TOX2: variants seen among roughly 807,000 people sequenced by gnomAD.
The protein encoded by TOX2 is granulosa cell HMG box 1.
Under a neutral mutation model 47.4 loss-of-function variants are expected in TOX2, and 15 were observed. The observed-to-expected ratio is 0.32, with a 90% CI of 0.21 to 0.49. TOX2 has a LOEUF of 0.49. TOX2 is among the 20% of genes least tolerant of loss of function. The pLI, the probability that TOX2 is intolerant of heterozygous loss-of-function variation, is 0.99. For missense variants in TOX2, 622 were observed against 673.1 expected (o/e 0.92, Z 0.84); for synonymous variants, 290 against 296.6 (o/e 0.98, Z 0.23).
chr20:44,061,515 T>C (rs1487953016), intron 5 of TOX2, among the ~76,000 whole-genome samples: 1 of 148,074 alleles, frequency 6.8e-6, no homozygotes, highest in Non-Finnish European at 1.5e-5. Flanking sequence ...AACATTATAG[T>C]GAATGGGGAA....
chr20:43,965,813 T>C (rs2069841391), intron 1 of TOX2, among the ~76,000 whole-genome samples: 1 of 152,132 alleles, frequency 6.6e-6, no homozygotes, highest in African/African-American at 2.4e-5. Context: ...GAGGCTGACC[T>C]TGAACAGGAG....
In TOX2 at chr20:44,068,964, C is replaced by T. The variant is rs752505824; in HGVS notation, c.*278C>T. On this transcript the variant is annotated 3_prime_UTR_variant, in exon 9 of 9. Coordinates refer to ENST00000341197, the MANE Select transcript of TOX2 (RefSeq NM_001098797.2). ...GTGGACCCTGTCCTCGCCCTGCGCA[C>T]GGTACCCTATGTCTGGACACCCGGC... 1.3e-5 allele frequency: 8 copies of T among 597,112 alleles called. No homozygotes were observed. The highest frequency in any genetic ancestry group is 1.9e-5 in the Non-Finnish European group (6 of 315,418). 37.0% of individuals were successfully genotyped at this position (597,112 alleles called of 1,614,324 possible).
At chr20:43,955,277 G>T (rs1218981309) in intron 1 of TOX2, 2 of 985,362 alleles carry the variant, frequency 2.0e-6, no homozygotes, top group East Asian at 2.3e-4. Context: ...GTGCATGTGA[G>T]TAGCTGCTGA....
At chr20:43,994,459 CAAA>C (rs1555837275) in intron 2 of TOX2, among the ~76,000 whole-genome samples, 8 of 127,982 alleles carry the variant, frequency 6.3e-5, no homozygotes, top group African/African-American at 1.5e-4. Context: ...ACCCTGTCTC[CAAA>C]AAAAAAAAAA....
chr20:44,029,904 T>C (rs1231296347), intron 3 of TOX2, among the ~76,000 whole-genome samples: 1 of 152,196 alleles, frequency 6.6e-6, no homozygotes, highest in East Asian at 1.9e-4. Context: ...GCCAAACCCA[T>C]TGGGCACCTG....
At chr20:43,925,350 C>T (rs1468798317) in intron 1 of TOX2, among the ~76,000 whole-genome samples, 1 of 151,972 alleles carries the variant, frequency 6.6e-6, no homozygotes, top group East Asian at 1.9e-4. Flanking sequence ...TGAGTAGAAA[C>T]GCTCTGTGTG....
At chr20:43,986,363 C>A (rs556267455) in intron 2 of TOX2, among the ~76,000 whole-genome samples, 1 of 152,226 alleles carries the variant, frequency 6.6e-6, no homozygotes, top group Admixed American at 6.5e-5. Context: ...CTCACTGCAA[C>A]CTCCGCCTCC....
At chr20:43,963,359 C>T (rs1188857552) in intron 1 of TOX2, among the ~76,000 whole-genome samples, 2 of 149,322 alleles carry the variant, frequency 1.3e-5, no homozygotes, top group Admixed American at 6.6e-5. Flanking sequence ...CAGCACTGAG[C>T]TTGCTTACAA....
chr20:43,946,825 G>A (rs1341179559), intron 1 of TOX2, among the ~76,000 whole-genome samples: 1 of 152,174 alleles, frequency 6.6e-6, no homozygotes, highest in Admixed American at 6.5e-5. Flanking sequence ...TGGGTTGGGG[G>A]CGGGGCTTGT....
intron 1 of TOX2, among the ~76,000 whole-genome samples, chr20:43,970,376 C>G (rs1484262622): frequency 6.6e-6 from 1 of 152,214 alleles, no homozygotes; most frequent in African/African-American, 2.4e-5. Context: ...TATTGATTGT[C>G]TACTGTGCTT....
At chr20:44,067,938 A>G (rs957151304) in intron 8 of TOX2, among the ~76,000 whole-genome samples, 1 of 152,186 alleles carries the variant, frequency 6.6e-6, no homozygotes, top group African/African-American at 2.4e-5. Context: ...TGCTGCTGAG[A>G]AACGCTGCCC....
chr20:44,003,379 G>C (rs1404089098), intron 2 of TOX2, among the ~76,000 whole-genome samples: 1 of 151,792 alleles, frequency 6.6e-6, no homozygotes, highest in Non-Finnish European at 1.5e-5. Context: ...TGTAGAGATG[G>C]GGTTTCACCA....
intron 3 of TOX2, among the ~76,000 whole-genome samples, chr20:44,025,234 C>CTTG (rs2071041287): frequency 2.0e-5 from 3 of 152,032 alleles, no homozygotes; most frequent in Admixed American, 2.0e-4. Flanking sequence ...AGAGAAGTTT[C>CTTG]CCTTGGATGC....
At position 44,051,586 on chromosome 20, in the gene TOX2, G is replaced by C. The variant is rs202134487; in HGVS notation, c.651+41G>C. ...GAACAGAGCCTGAAGCTGCCCTCCT[G>C]TCGGCAGGGAAGGGGTCCTGTGGGG... On this transcript the variant is annotated intron_variant, in intron 4 of 8. Transcript: ENST00000341197. 3,942 of 1,531,018 alleles carry C rather than the reference G, an allele frequency of 2.6e-3. 10 individuals carry two copies. Among genetic ancestry groups the C allele is most frequent in the Admixed American group, 4.8e-3 (244 of 51,182 alleles). 94.8% of individuals were successfully genotyped at this position (1,531,018 alleles called of 1,614,324 possible).
intron 1 of TOX2, among the ~76,000 whole-genome samples, chr20:43,950,034 G>A (rs1432614899): frequency 3.3e-5 from 2 of 61,142 alleles, no homozygotes; most frequent in Non-Finnish European, 6.4e-5. Context: ...TAGCCTCTCT[G>A]CTTTGGAGGG....
At chr20:43,979,981 A>G (rs2070143292) in intron 2 of TOX2, among the ~76,000 whole-genome samples, 1 of 152,224 alleles carries the variant, frequency 6.6e-6, no homozygotes, top group East Asian at 1.9e-4. Flanking sequence ...TTCCTCAAAA[A>G]ACTAAAAATA....
intron 5 of TOX2, among the ~76,000 whole-genome samples, chr20:44,063,573 C>T (rs1010300509): frequency 6.6e-5 from 10 of 152,112 alleles, no homozygotes; most frequent in African/African-American, 1.9e-4. Context: ...AAAAGTAGAT[C>T]TACTGTTTGA....
chr20:43,973,463 CTTA>C lies in TOX2; in HGVS notation c.165+32_165+34del, dbSNP rs778285027. Reference sequence around the variant, plus strand: ...TGCCTCATCCTCCCTGAACGGGTGTCTTAAGATTTGGGCTGGCTGGATCTGAGC... The same window carrying C: ...TGCCTCATCCTCCCTGAACGGGTGTCAGATTTGGGCTGGCTGGATCTGAGC... On this transcript the variant is annotated intron_variant, in intron 2 of 8. Transcript: ENST00000341197. 56 of 1,611,786 alleles carry C rather than the reference CTTA, an allele frequency of 3.5e-5. 1 individual carries two copies. The South Asian group carries it at 5.8e-4, about 17-fold the overall frequency.
rs552433433 is a variant in TOX2, at chr20:43,945,737, G to A, written c.100-27630G>A. 7.0e-5 allele frequency: 65 copies of A among 928,722 alleles called. No individual in the cohort carries two copies. The African/African-American group carries it at 1.0e-3, about 15-fold the overall frequency. 57.5% of individuals were successfully genotyped at this position (928,722 alleles called of 1,614,324 possible). ...GCTCCGAACACGCAGGCCCAAATTGGAATAGGAGATGGATTTTGATAAAAG... is the reference window on the plus strand; with the variant it reads ...GCTCCGAACACGCAGGCCCAAATTGAAATAGGAGATGGATTTTGATAAAAG... On this transcript the variant is annotated intron_variant, in intron 1 of 8. Transcript: ENST00000341197.
Sources: gnomAD v4.1 joint callset for allele counts (sites outside exome capture counted in the v4.1 genomes callset) on GRCh38, gnomAD v4.1.1 for gene constraint, MANE v1.5 for transcripts, NCBI Gene and HGNC (gene_info 2026-07-23, HGNC 2026-07-21) for gene names.